BRI3: variants seen among roughly 807,000 people sequenced by gnomAD.
BRI3 encodes brain protein I3.
BRI3 carries 6 observed loss-of-function variants against 12.8 expected under a neutral mutation model. The ratio of observed to expected loss-of-function variants is 0.47; its 90% CI spans 0.26 to 0.93. The LOEUF (loss-of-function observed/expected upper bound fraction) is 0.93. BRI3 is among the 40% of genes least tolerant of loss of function. The pLI is 0.15. For synonymous variants in BRI3, 91 were observed against 76.1 expected (o/e 1.20, Z -1.02); for missense variants, 134 against 171.1 (o/e 0.78, Z 1.21).
downstream of BRI3, among the ~76,000 whole-genome samples, chr7:98,311,513 C>T (rs1800867792): frequency 6.6e-6 from 1 of 151,534 alleles, no homozygotes; most frequent in Admixed American, 6.6e-5. Context: ...TGCACTCCAG[C>T]CTGAGTGACA....
At chr7:98,304,339 A>C, upstream of BRI3, 1 of 1,613,710 alleles carries the variant, frequency 6.2e-7, no homozygotes, top group Non-Finnish European at 8.5e-7. Flanking sequence ...CTATTCTCAG[A>C]CAAGTTCACG....
At chr7:98,293,126 T>C (rs1800040339), downstream of BRI3, 1 of 387,456 alleles carries the variant, frequency 2.6e-6, no homozygotes, top group South Asian at 8.8e-5. Context: ...TAAGAGCACA[T>C]GCTTTATAAA....
Position 98,286,490 on chromosome 7 carries a change from C to T in BRI3, c.245+4037C>T, listed in dbSNP as rs752774486. Among the ~76,000 whole-genome samples the T allele has an allele frequency of 1.3e-5, 2 of 152,284 alleles. 1 individual carries two copies. The highest frequency in any genetic ancestry group is 1.3e-4 in the Admixed American group (2 of 15,294). On this transcript the variant is annotated intron_variant, in intron 2 of 2. Transcript: ENST00000297290. ...TGGGGGAGGGGCGGCTAGAGAGAGC[C>T]GGTCAGGACCAGAGCGGTTGAGAAG...
downstream of BRI3, chr7:98,293,061 G>C: frequency 1.3e-6 from 1 of 795,450 alleles, no homozygotes; most frequent in Non-Finnish European, 1.6e-6. Flanking sequence ...TTAAAATTAT[G>C]ATTTGCATGC....
chr7:98,290,389 G>C (rs1191053326), intron 2 of BRI3, among the ~76,000 whole-genome samples: 1 of 151,696 alleles, frequency 6.6e-6, no homozygotes, highest in African/African-American at 2.4e-5. Flanking sequence ...TAGAGACGGG[G>C]TTTCACCTTG....
chr7:98,282,347 A>C lies in BRI3; in HGVS notation c.143-4A>C, dbSNP rs1799550558. 1 of 1,612,398 alleles carries C rather than the reference A, an allele frequency of 6.2e-7. No individual in the cohort carries two copies. Among genetic ancestry groups the C allele is most frequent in the Non-Finnish European group, 8.5e-7 (1 of 1,178,536 alleles). Reference sequence around the variant, plus strand: ...ACCCTAATGACCTGCTTTCCCGCCCACAGGGATACCCACCCACCATCCCAG... The same window carrying C: ...ACCCTAATGACCTGCTTTCCCGCCCCCAGGGATACCCACCCACCATCCCAG... On this transcript the variant is annotated splice_region_variant and splice_polypyrimidine_tract_variant and intron_variant, in intron 1 of 2. Coordinates refer to ENST00000297290, the MANE Select transcript of BRI3 (RefSeq NM_015379.5).
chr7:98,290,181 G>GTTTTTTT (rs1180326213), intron 2 of BRI3, among the ~76,000 whole-genome samples: 3 of 102,540 alleles, frequency 2.9e-5, no homozygotes, highest in African/African-American at 8.5e-5. Context: ...TCTCAAGGTT[G>GTTTTTTT]TTTTTTTTTT....
downstream of BRI3, among the ~76,000 whole-genome samples, chr7:98,295,553 C>T (rs928142654): frequency 7.2e-5 from 11 of 152,270 alleles, no homozygotes; most frequent in East Asian, 1.9e-3. Context: ...CATGTGCTCA[C>T]GGTGCTGGCA....
downstream of BRI3, chr7:98,293,004 T>TG: frequency 2.7e-6 from 3 of 1,100,116 alleles, no homozygotes; most frequent in Non-Finnish European, 3.4e-6. Flanking sequence ...CACTTAAACA[T>TG]TTTAAGTTAA....
intron 2 of BRI3, among the ~76,000 whole-genome samples, chr7:98,284,846 CCCCTG>C (rs758370542): frequency 4.9e-4 from 74 of 152,112 alleles, no homozygotes; most frequent in Admixed American, 9.8e-4. Context: ...TCCTGCTTCA[CCCCTG>C]CCCTGCCCTG....
chr7:98,309,533 A>T (rs1800794970), exon 2 of BRI3: 1 of 152,194 alleles, frequency 6.6e-6, no homozygotes, highest in Non-Finnish European at 1.5e-5. Flanking sequence ...AGTATTACAT[A>T]CTTTAACTGT....
chr7:98,286,596 T>TGTTCCGGGGCAGGG (rs1255041714), intron 2 of BRI3, among the ~76,000 whole-genome samples: 1 of 152,044 alleles, frequency 6.6e-6, no homozygotes, highest in Non-Finnish European at 1.5e-5. Context: ...GGACCGCAGG[T>TGTTCCGGGGCAGGG]GTTCCGGGGC....
At chr7:98,317,831 C>T in the BRI3 span, among the ~76,000 whole-genome samples, 1 of 151,138 alleles carries the variant, frequency 6.6e-6, no homozygotes, top group Non-Finnish European at 1.5e-5. Context: ...GGGACTGTCA[C>T]CCCGTAGTTC....
chr7:98,307,138 G>A (rs1370745934), intron 1 of BRI3: 1 of 162,306 alleles, frequency 6.2e-6, no homozygotes, highest in Non-Finnish European at 1.4e-5. Context: ...TTGAGACAGA[G>A]TCTTGCTCTG....
At chr7:98,306,212 G>T (rs1421846443), upstream of BRI3, among the ~76,000 whole-genome samples, 1 of 152,166 alleles carries the variant, frequency 6.6e-6, no homozygotes, top group Non-Finnish European at 1.5e-5. Flanking sequence ...AGGGCTGCAG[G>T]ACTGCGAGGA....
At chr7:98,312,663 A>G (rs1800914329), downstream of BRI3, among the ~76,000 whole-genome samples, 1 of 152,190 alleles carries the variant, frequency 6.6e-6, no homozygotes, top group Non-Finnish European at 1.5e-5. Context: ...CACCTCCAAC[A>G]CAGGCCACGG....
At chr7:98,321,195 C>T in the BRI3 span, among the ~76,000 whole-genome samples, 1 of 152,228 alleles carries the variant, frequency 6.6e-6, no homozygotes, top group South Asian at 2.1e-4. Flanking sequence ...TTCCCTAAGC[C>T]AAGTTCTATA....
At chr7:98,321,834 C>A in the BRI3 span, among the ~76,000 whole-genome samples, 1 of 152,150 alleles carries the variant, frequency 6.6e-6, no homozygotes, top group East Asian at 1.9e-4. Flanking sequence ...TGGTGGCTCA[C>A]GCCTGTCATC....
downstream of BRI3, among the ~76,000 whole-genome samples, chr7:98,310,840 C>T (rs1339119102): frequency 6.6e-6 from 1 of 152,076 alleles, no homozygotes; most frequent in Non-Finnish European, 1.5e-5. Flanking sequence ...CACGCACTAC[C>T]ACATCTGGCT....
Sources: allele counts gnomAD v4.1 joint callset (sites outside exome capture counted in the v4.1 genomes callset), GRCh38; gene constraint gnomAD v4.1.1; transcripts MANE v1.5; gene names NCBI Gene and HGNC (gene_info 2026-07-23, HGNC 2026-07-21).